Variants in NTRK3 observed in about 807,000 individuals in gnomAD.
The protein encoded by NTRK3 is neurotrophic receptor tyrosine kinase 3.
In NTRK3, 24 loss-of-function variants were observed where a neutral mutation model predicts 91.7. The ratio of observed to expected loss-of-function variants is 0.26; its 90% CI spans 0.19 to 0.37. The LOEUF (loss-of-function observed/expected upper bound fraction) is 0.37, where lower values mean the gene tolerates loss of function less well. Among genes scored for constraint, NTRK3 ranks in the 10% least tolerant of loss-of-function variants. The pLI is 1.00. For missense variants in NTRK3, 880 were observed against 1,068.9 expected (o/e 0.82, Z 2.46); for synonymous variants, 483 against 404.0 (o/e 1.20, Z -2.34).
rs764427106 is a variant in NTRK3 at position 88,136,051 on chromosome 15, C to A, written c.766-11G>T. On this transcript the variant is annotated splice_polypyrimidine_tract_variant and intron_variant, in intron 8 of 18. Coordinates refer to ENST00000394480, the Ensembl canonical transcript of NTRK3. ...CCAGTTCAGATTGGTCTGAAAACCC[C>A]AATAAAAAGATAACAATCAGATAGC... The A allele has an allele frequency of 6.2e-7, 1 of 1,614,106 alleles. No individual in the cohort carries two copies. The highest frequency in any genetic ancestry group is 8.5e-7 in the Non-Finnish European group (1 of 1,179,984).
chr15:88,150,120 T>C (rs2043238944), intron 5 of NTRK3, among the ~76,000 whole-genome samples: 1 of 152,140 alleles, frequency 6.6e-6, no homozygotes, highest in Admixed American at 6.5e-5. Context: ...AAGCTCAGAC[T>C]TATTGAGCCC....
At position 88,146,185 on chromosome 15, in the gene NTRK3, C is replaced by G. The variant is rs78530079; in HGVS notation, c.464+1150G>C. 9.0e-3 allele frequency among the ~76,000 whole-genome samples: 1,377 copies of G among 152,248 alleles called. 29 individuals are homozygous for G. Among genetic ancestry groups the G allele is most frequent in the African/African-American group, 0.031 (1,291 of 41,530 alleles). ...AGTAGTCATGTTAATTTACCTTTTC[C>G]ACCTACAGTACACAAGGTCATCATG... On this transcript the variant is annotated intron_variant, in intron 6 of 18. Transcript: ENST00000394480.
At chr15:88,101,311 A>C (rs1344042979) in intron 13 of NTRK3, among the ~76,000 whole-genome samples, 2 of 152,224 alleles carry the variant, frequency 1.3e-5, no homozygotes, top group African/African-American at 2.4e-5. Context: ...TCAAAACCAC[A>C]ATGAGATGCC....
chr15:88,016,503 G>GAATGGGCT (rs961024796), intron 14 of NTRK3, among the ~76,000 whole-genome samples: 4 of 152,228 alleles, frequency 2.6e-5, no homozygotes, highest in African/African-American at 9.6e-5. Flanking sequence ...CAAGATGAAG[G>GAATGGGCT]AATGGGCTAA....
intron 13 of NTRK3, among the ~76,000 whole-genome samples, chr15:88,094,342 G>A (rs1053123931): frequency 2.0e-4 from 30 of 151,920 alleles, no homozygotes; most frequent in East Asian, 9.7e-4. Flanking sequence ...GGTGGCGGGC[G>A]CCTGTAGTCC....
At chr15:87,908,419 G>A in intron 17 of NTRK3, 1 of 399,046 alleles carries the variant, frequency 2.5e-6, no homozygotes, top group Non-Finnish European at 4.4e-6. Flanking sequence ...TCCAAAGCCT[G>A]CAAGCTGTCT....
At chr15:88,201,637 C>A (rs935747958) in intron 3 of NTRK3, among the ~76,000 whole-genome samples, 5 of 152,148 alleles carry the variant, frequency 3.3e-5, no homozygotes, top group South Asian at 2.1e-4. Context: ...CATCTGGACA[C>A]AAAGGCCATT....
intron 18 of NTRK3, among the ~76,000 whole-genome samples, chr15:87,879,314 T>A (rs2065113809): frequency 6.6e-6 from 1 of 152,204 alleles, no homozygotes; most frequent in Admixed American, 6.5e-5. Flanking sequence ...AGAATTGCGA[T>A]GTTTCATAGG....
intron 14 of NTRK3, among the ~76,000 whole-genome samples, chr15:87,968,233 CA>C (rs1439374806): frequency 6.6e-6 from 1 of 152,150 alleles, no homozygotes; most frequent in Non-Finnish European, 1.5e-5. Flanking sequence ...ATTTCAAATG[CA>C]GTGAATATGA....
At chr15:88,121,463 T>C (rs138279532) in intron 13 of NTRK3, among the ~76,000 whole-genome samples, 1 of 152,346 alleles carries the variant, frequency 6.6e-6, no homozygotes, top group East Asian at 1.9e-4. Context: ...CCCAGCCAGA[T>C]CACTGTCATG....
chr15:88,057,425 G>C (rs541975363), intron 13 of NTRK3, among the ~76,000 whole-genome samples: 1 of 151,828 alleles, frequency 6.6e-6, no homozygotes, highest in African/African-American at 2.4e-5. Context: ...TGGAATCTGG[G>C]AGGTGGAGGT....
chr15:87,990,237 T>A (rs1274637294), intron 14 of NTRK3, among the ~76,000 whole-genome samples: 1 of 152,124 alleles, frequency 6.6e-6, no homozygotes, highest in Non-Finnish European at 1.5e-5. Flanking sequence ...GGAACCCAGA[T>A]AGGGGTCAGC....
chr15:88,087,346 G>A (rs777467374), intron 13 of NTRK3, among the ~76,000 whole-genome samples: 8 of 152,218 alleles, frequency 5.3e-5, no homozygotes, highest in East Asian at 1.9e-4. Context: ...GGGAGTGTCC[G>A]GCAGGTCTCT....
Position 88,108,942 on chromosome 15 carries a change from C to T in NTRK3, c.1396+17329G>A, listed in dbSNP as rs563131582. ...TGAAGGAGAGAATTCTCTCTCTAAT[C>T]CACTTGCACAGTCAGACAAGAAAGA... On this transcript the variant is annotated intron_variant, in intron 13 of 18. Transcript: ENST00000394480. Among the ~76,000 whole-genome samples the T allele has an allele frequency of 5.6e-4, 85 of 152,332 alleles. No homozygotes were observed. In the South Asian group the frequency reaches 7.7e-3, roughly 14 times the overall value.
Position 88,136,350 on chromosome 15 carries a change from A to G in NTRK3, c.765+117T>C, listed in dbSNP as rs1195294461. The G allele has an allele frequency of 2.3e-6, 3 of 1,317,936 alleles. No homozygotes were observed. In the African/African-American group the frequency reaches 4.3e-5, roughly 19 times the overall value. 81.6% of individuals were successfully genotyped at this position (1,317,936 alleles called of 1,614,324 possible). A position where few individuals can be genotyped will look rare whatever the true frequency, so the allele number is the denominator to read the frequency against. ...CTAGAAAATATTGCAGCTGCATGTA[A>G]CCCAAGTCTATGTGTTTTTTCCTAT... On this transcript the variant is annotated intron_variant, in intron 8 of 18. Coordinates refer to ENST00000394480, the Ensembl canonical transcript of NTRK3.
chr15:88,016,073 C>A (rs1205097031), intron 14 of NTRK3, among the ~76,000 whole-genome samples: 3 of 151,948 alleles, frequency 2.0e-5, no homozygotes, highest in Admixed American at 1.3e-4. Flanking sequence ...TGTTATTAGC[C>A]TGTGCATATA....
intron 13 of NTRK3, among the ~76,000 whole-genome samples, chr15:88,060,419 A>G (rs2046111464): frequency 6.7e-6 from 1 of 150,022 alleles, no homozygotes; most frequent in East Asian, 2.0e-4. Flanking sequence ...GGGCCCTGAG[A>G]CCATCTCAGG....
intron 14 of NTRK3, among the ~76,000 whole-genome samples, chr15:88,025,301 C>G (rs190468478): frequency 1.3e-5 from 2 of 152,330 alleles, no homozygotes; most frequent in Non-Finnish European, 2.9e-5. Context: ...TATTTCCACA[C>G]AAAACCTGCA....
chr15:87,886,676 CTATATATATA>C (rs35011403), intron 17 of NTRK3, among the ~76,000 whole-genome samples: 7 of 101,204 alleles, frequency 6.9e-5, no homozygotes, highest in Admixed American at 2.0e-4. Flanking sequence ...CCACTTTTTG[CTATATATATA>C]TATATATATA....
Sources: gnomAD v4.1 joint callset for allele counts (sites outside exome capture counted in the v4.1 genomes callset) on GRCh38, gnomAD v4.1.1 for gene constraint, MANE v1.5 for transcripts, NCBI Gene and HGNC (gene_info 2026-07-23, HGNC 2026-07-21) for gene names.